Variants in GSX2 observed in about 807,000 individuals in gnomAD.
GSX2 encodes the protein GS homeobox 2.
Under a neutral mutation model 19.2 loss-of-function variants are expected in GSX2, and 16 were observed. The observed-to-expected ratio is 0.84, with a 90% confidence interval of 0.57 to 1.27. GSX2 has a LOEUF of 1.27. Ranked by LOEUF, GSX2 falls within the 50% of genes most tolerant of loss-of-function variation. The pLI, the probability that GSX2 is intolerant of heterozygous loss-of-function variation, is 0.00. For synonymous variants in GSX2, 217 were observed against 196.4 expected, an observed-to-expected ratio of 1.10 and a Z score of -0.88; for missense variants, 448 against 428.4, an observed-to-expected ratio of 1.05 and a Z score of -0.40.
At position 54,101,790 on chromosome 4, in the gene GSX2, G is replaced by C. The variant is rs749731942; in HGVS notation, c.783G>C (p.Gly261=). The change falls in exon 2 of 2, where the codon GGG becomes GGC. Residue 261 remains glycine, a synonymous_variant. Coordinates refer to ENST00000326902, the MANE Select transcript of GSX2 (RefSeq NM_133267.3). The surrounding 1 kb of genome is among the most constrained non-coding windows in gnomAD (Gnocchi z 5.0). ...GCCGAGTGAAGCACAAGAAGGAGGG[G>C]AAGGGCACGCAGAGGAACAGTCACG... ...QNRRVKHKKE[G]KGTQRNSHAG... is the part of the protein sequence containing the mutation. 1 of 1,614,254 alleles carries C rather than the reference G, an allele frequency of 6.2e-7. No homozygotes were observed. Among genetic ancestry groups the C allele is most frequent in the Non-Finnish European group, 8.5e-7 (1 of 1,180,060 alleles).
Position 54,101,009 on chromosome 4 carries a change from G to T in GSX2, c.574+91G>T. The T allele has an allele frequency of 8.8e-7, 1 of 1,138,774 alleles. No individual in the cohort carries two copies. Among genetic ancestry groups the T allele is most frequent in the Non-Finnish European group, 1.2e-6 (1 of 824,046 alleles). The allele number at this position is 1,138,774 out of a possible 1,614,324, so 70.5% of individuals were successfully genotyped here. ...TCCAGTGGAGGAAGTGGGAGCCCGG[G>T]GACAGGGTGAAGAGAGAGGACGGGC... On this transcript the variant is annotated intron_variant, in intron 1 of 1. Transcript: ENST00000326902. This position sits in a 1 kb window ranked among gnomAD's most constrained non-coding sequence, Gnocchi z 5.0.
In GSX2 at chr4:54,100,600, G is replaced by T. The variant is rs1338652699; in HGVS notation, c.256G>T (p.Gly86Trp). Residue 86 changes from glycine (G) to tryptophan (W), a missense_variant, in exon 1 of 2, where the codon GGG becomes TGG. Coordinates refer to ENST00000326902, the MANE Select transcript of GSX2 (RefSeq NM_133267.3). ...CGCCGGCAGCGGGGGCGCAGGGGCC[G>T]GGGTTACCGGGGCCGGAGGCAGTGG... ...VGAGSGGAGA[G>W]VTGAGGSGVA... 1 of 1,560,814 alleles carries T rather than the reference G, an allele frequency of 6.4e-7. No individual in the cohort carries two copies. Among genetic ancestry groups the T allele is most frequent in the Admixed American group, 1.9e-5 (1 of 51,700 alleles).
In GSX2 at chr4:54,101,899, G is replaced by A; in HGVS notation, c.892G>A (p.Asp298Asn). 4 of 1,609,116 alleles carry A rather than the reference G, an allele frequency of 2.5e-6. No homozygotes were observed. Among genetic ancestry groups the A allele is most frequent in the Non-Finnish European group, 3.4e-6 (4 of 1,176,874 alleles). ...DSLSPASAND[D>N]KEISPL ...CCTGTCGCCGGCCTCAGCCAACGAT[G>A]ACAAGGAGATTTCCCCCTTATGAGG... Residue 298 changes from aspartate (D) to asparagine (N), a missense_variant, in exon 2 of 2, where the codon GAC becomes AAC. Coordinates refer to ENST00000326902, the MANE Select transcript of GSX2 (RefSeq NM_133267.3). The surrounding 1 kb of genome is among the most constrained non-coding windows in gnomAD (Gnocchi z 5.0).
Position 54,100,930 on chromosome 4 carries a change from T to G in GSX2, c.574+12T>G, listed in dbSNP as rs894870312. 6.5e-7 allele frequency: 1 copy of G among 1,547,616 alleles called. No individual in the cohort carries two copies. Among genetic ancestry groups the G allele is most frequent in the African/African-American group, 1.4e-5 (1 of 72,462 alleles). On this transcript the variant is annotated intron_variant, in intron 1 of 1. Coordinates refer to ENST00000326902, the MANE Select transcript of GSX2 (RefSeq NM_133267.3). Reference sequence around the variant, plus strand: ...CTGCCTCACCATGGGTAGGGCGGGGTCTTGGGGCACCTGCGCTCCGCGCCT... The same window carrying G: ...CTGCCTCACCATGGGTAGGGCGGGGGCTTGGGGCACCTGCGCTCCGCGCCT...
rs1387095638 is a variant in GSX2, at chr4:54,100,577, C to T, written c.233C>T (p.Ala78Val). 2 of 1,582,502 alleles carry T rather than the reference C, an allele frequency of 1.3e-6. No individual in the cohort carries two copies. The highest frequency in any genetic ancestry group is 2.3e-5 in the South Asian group (2 of 87,114). Residue 78 changes from alanine to valine, a missense_variant, in exon 1 of 2, where the codon GCC becomes GTC. Ala to Val is a moderately conservative substitution (Grantham distance 64, BLOSUM62 0). Coordinates refer to ENST00000326902, the MANE Select transcript of GSX2 (RefSeq NM_133267.3). ...CACTCCTCTCGGGGGTCTGTGGGCG[C>T]CGGCAGCGGGGGCGCAGGGGCCGGG... ...HLHSSRGSVG[A>V]GSGGAGAGVT... is the part of the protein sequence containing the mutation.
In GSX2 at chr4:54,101,405, C is replaced by T. The variant is rs2110111966; in HGVS notation, c.575-177C>T. On this transcript the variant is annotated intron_variant, in intron 1 of 1. Coordinates refer to ENST00000326902, the MANE Select transcript of GSX2 (RefSeq NM_133267.3). The surrounding 1 kb of genome is among the most constrained non-coding windows in gnomAD (Gnocchi z 5.0). ...CCTGCGCATCGAAGACCTTTATTTG[C>T]TTTGCACGTCTCTTTTCTTCCCCGC... is the stretch of plus-strand genomic sequence containing the variant. Among the ~76,000 whole-genome samples the T allele has an allele frequency of 6.6e-6, 1 of 152,330 alleles. No homozygotes were observed. Among genetic ancestry groups the T allele is most frequent in the South Asian group, 2.1e-4 (1 of 4,828 alleles).
Position 54,102,350 on chromosome 4 carries a change from T to C in GSX2, c.*428T>C, listed in dbSNP as rs1718190733. On this transcript the variant is annotated 3_prime_UTR_variant, in exon 2 of 2. Coordinates refer to ENST00000326902, the MANE Select transcript of GSX2 (RefSeq NM_133267.3). The stretch of plus-strand genomic sequence containing the variant: ...AAAAACACCCAAGTTGAAAATAATT[T>C]AGAAAATTAGACCTTGTAGGTCTTG... 3.2e-5 allele frequency: 5 copies of C among 154,516 alleles called. No individual in the cohort carries two copies. The highest frequency in any genetic ancestry group is 1.2e-4 in the African/African-American group (5 of 41,514). 9.6% of individuals were successfully genotyped at this position (154,516 alleles called of 1,614,324 possible).
chr4:54,101,493 G>T lies in GSX2; in HGVS notation c.575-89G>T. On this transcript the variant is annotated intron_variant, in intron 1 of 1. Coordinates refer to ENST00000326902, the MANE Select transcript of GSX2 (RefSeq NM_133267.3). This position sits in a 1 kb window ranked among gnomAD's most constrained non-coding sequence, Gnocchi z 5.0. ...GATGTTCGGCTGGGCTTCCCCGGGTGGGTCCCTGAAATGCGTCCTGGTTAG... is the reference window on the plus strand; with the variant it reads ...GATGTTCGGCTGGGCTTCCCCGGGTTGGTCCCTGAAATGCGTCCTGGTTAG... 1 of 786,872 alleles carries T rather than the reference G, an allele frequency of 1.3e-6. No homozygotes were observed. The highest frequency in any genetic ancestry group is 2.1e-6 in the Non-Finnish European group (1 of 478,298). The allele number at this position is 786,872 out of a possible 1,614,324, so 48.7% of individuals were successfully genotyped here.
Position 54,100,495 on chromosome 4 carries a change from C to T in GSX2, c.151C>T (p.Pro51Ser), listed in dbSNP as rs1027452125. The T allele has an allele frequency of 1.4e-5, 22 of 1,613,624 alleles. No homozygotes were observed. The highest frequency in any genetic ancestry group is 1.9e-5 in the Non-Finnish European group (22 of 1,179,924). The change falls in exon 1 of 2, where the codon CCG becomes TCG. Residue 51 changes from proline to serine, a missense_variant. Pro to Ser is a moderately conservative substitution (Grantham distance 74). Coordinates refer to ENST00000326902, the MANE Select transcript of GSX2 (RefSeq NM_133267.3). ...LVMSVSGPGC[P>S]SRKSGAFCVC... Reference sequence around the variant, plus strand: ...GATGTCCGTGTCCGGCCCCGGCTGCCCGTCCCGCAAGAGCGGCGCGTTCTG... The same window carrying T: ...GATGTCCGTGTCCGGCCCCGGCTGCTCGTCCCGCAAGAGCGGCGCGTTCTG...
rs1718177517 is a variant in GSX2 at position 54,101,641 on chromosome 4, A to C, written c.634A>C (p.Thr212Pro). 1 of 1,614,100 alleles carries C rather than the reference A, an allele frequency of 6.2e-7. No homozygotes were observed. The highest frequency in any genetic ancestry group is 2.2e-5 in the East Asian group (1 of 44,866). ...GAGGATGAGGACGGCGTTCACTAGC[A>C]CGCAACTCCTGGAGCTGGAGAGAGA... ...GKRMRTAFTS[T>P]QLLELEREFS... The change falls in exon 2 of 2, where the codon ACG becomes CCG. Residue 212 changes from threonine (T) to proline (P), a missense_variant. Thr to Pro is a conservative substitution (Grantham distance 38, BLOSUM62 -1). Coordinates refer to ENST00000326902, the MANE Select transcript of GSX2 (RefSeq NM_133267.3). This position sits in a 1 kb window ranked among gnomAD's most constrained non-coding sequence, Gnocchi z 5.0.
At position 54,100,549 on chromosome 4, in the gene GSX2, C is replaced by G. The variant is rs762336257; in HGVS notation, c.205C>G (p.Leu69Val). Residue 69 changes from leucine to valine, a missense_variant, in exon 1 of 2, where the codon CTG (leucine) becomes GTG (valine). Physicochemically the swap from Leu to Val is conservative, Grantham distance 32 (BLOSUM62 1). Coordinates refer to ENST00000326902, the MANE Select transcript of GSX2 (RefSeq NM_133267.3). ...GTGCCCTCTCTGCGTCACTTCGCAC[C>G]TGCACTCCTCTCGGGGGTCTGTGGG... ...CVCPLCVTSH[L>V]HSSRGSVGAG... The G allele has an allele frequency of 1.2e-6, 2 of 1,607,314 alleles. No individual in the cohort carries two copies. The highest frequency in any genetic ancestry group is 3.4e-5 in the Admixed American group (2 of 59,494).
rs1718180017 is a variant in GSX2, at chr4:54,101,791, A to G, written c.784A>G (p.Lys262Glu). Residue 262 changes from lysine to glutamate, a missense_variant, in exon 2 of 2, where the codon AAG (lysine) becomes GAG (glutamate). Transcript: ENST00000326902. This position sits in a 1 kb window ranked among gnomAD's most constrained non-coding sequence, Gnocchi z 5.0. ...CCGAGTGAAGCACAAGAAGGAGGGG[A>G]AGGGCACGCAGAGGAACAGTCACGC... is the stretch of plus-strand genomic sequence containing the variant. The part of the protein sequence containing the change: ...NRRVKHKKEG[K>E]GTQRNSHAGC... 6.2e-7 allele frequency: 1 copy of G among 1,614,054 alleles called. No individual in the cohort carries two copies. The highest frequency in any genetic ancestry group is 1.7e-5 in the Admixed American group (1 of 60,000).
rs1578005521 is a variant in GSX2, at chr4:54,101,971, G to A, written c.*49G>A. 6.9e-7 allele frequency: 1 copy of A among 1,450,130 alleles called. No homozygotes were observed. The highest frequency in any genetic ancestry group is 9.3e-7 in the Non-Finnish European group (1 of 1,078,770). The allele number at this position is 1,450,130 out of a possible 1,614,324, so 89.8% of individuals were successfully genotyped here. ...CCCCGCTCCTGGCAGACCAGGCAAC[G>A]CCAAGGCGTGGGGCACCCAGGGGCC... is the stretch of plus-strand genomic sequence containing the variant. On this transcript the variant is annotated 3_prime_UTR_variant, in exon 2 of 2. Coordinates refer to ENST00000326902, the MANE Select transcript of GSX2 (RefSeq NM_133267.3). This position sits in a 1 kb window ranked among gnomAD's most constrained non-coding sequence, Gnocchi z 5.0.
In GSX2 at chr4:54,100,394, G is replaced by T. The variant is rs1405969923; in HGVS notation, c.50G>T (p.Arg17Leu). ...TCGCTCATCATCAAGGACACCTCAC[G>T]GCCTGCGCCCTCGCTGCCTGAACCG... ...VDSLIIKDTS[R>L]PAPSLPEPHP... Residue 17 changes from arginine (R) to leucine (L), a missense_variant, in exon 1 of 2, where the codon CGG becomes CTG. Coordinates refer to ENST00000326902, the MANE Select transcript of GSX2 (RefSeq NM_133267.3). 4 of 1,613,970 alleles carry T rather than the reference G, an allele frequency of 2.5e-6. No individual in the cohort carries two copies. Among genetic ancestry groups the T allele is most frequent in the Admixed American group, 3.3e-5 (2 of 60,014 alleles).
In GSX2 at chr4:54,100,662, G is replaced by C. The variant is rs1324886598; in HGVS notation, c.318G>C (p.Lys106Asn). Residue 106 changes from lysine to asparagine, a missense_variant, in exon 1 of 2, where the codon AAG becomes AAC. Transcript: ENST00000326902. ...AGAAGALPLL[K>N]GQFSSAPGDA... ...CCGCAGGGGCACTGCCTCTGCTTAA[G>C]GGCCAGTTCTCTTCGGCTCCTGGGG... The C allele has an allele frequency of 2.6e-6, 4 of 1,549,000 alleles. No homozygotes were observed. The highest frequency in any genetic ancestry group is 2.0e-5 in the Admixed American group (1 of 50,374).
chr4:54,100,717 G>A lies in GSX2; in HGVS notation c.373G>A (p.Ala125Thr), dbSNP rs1254785036. The A allele has an allele frequency of 2.6e-6, 4 of 1,548,542 alleles. No homozygotes were observed. Among genetic ancestry groups the A allele is most frequent in the Non-Finnish European group, 3.5e-6 (4 of 1,146,076 alleles). The change falls in exon 1 of 2, where the codon GCG becomes ACG. Residue 125 changes from alanine (A) to threonine (T), a missense_variant. Coordinates refer to ENST00000326902, the MANE Select transcript of GSX2 (RefSeq NM_133267.3). ...DAQFCPRVNH[A>T]HHHHHPPQHH... ...GCAGTTTTGCCCGCGGGTGAACCAT[G>A]CGCATCATCACCACCACCCGCCGCA...
Position 54,100,262 on chromosome 4 carries a change from G to T in GSX2, c.-83G>T. On this transcript the variant is annotated 5_prime_UTR_variant, in exon 1 of 2. Transcript: ENST00000326902. ...AGGGCTTGACTGCCCGTGTCTGCGC[G>T]GCTCCCAGGGCAGAGCTTAGAACAC... 4 of 1,561,906 alleles carry T rather than the reference G, an allele frequency of 2.6e-6. No individual in the cohort carries two copies. Among genetic ancestry groups the T allele is most frequent in the Non-Finnish European group, 3.4e-6 (4 of 1,159,774 alleles).
chr4:54,100,919 G>A lies in GSX2; in HGVS notation c.574+1G>A. 1 of 1,557,642 alleles carries A rather than the reference G, an allele frequency of 6.4e-7. No individual in the cohort carries two copies. On this transcript the variant is annotated splice_donor_variant, in intron 1 of 1. Coordinates refer to ENST00000326902, the MANE Select transcript of GSX2 (RefSeq NM_133267.3). LOFTEE classifies it high-confidence loss of function. ...CGGAGATTCCACTGCCTCACCATGG[G>A]TAGGGCGGGGTCTTGGGGCACCTGC...
In GSX2 at chr4:54,101,583, A is replaced by G. The variant is rs1452253347; in HGVS notation, c.576A>G (p.Gly192=). 6.2e-7 allele frequency: 1 copy of G among 1,608,852 alleles called. No homozygotes were observed. The highest frequency in any genetic ancestry group is 1.3e-5 in the African/African-American group (1 of 74,794). Residue 192 remains glycine (G), a splice_region_variant and synonymous_variant, in exon 2 of 2, where the codon GGA becomes GGG. Transcript: ENST00000326902. The surrounding 1 kb of genome is among the most constrained non-coding windows in gnomAD (Gnocchi z 5.0). ...DPRRFHCLTM[G]GSDASQVPNG... Reference sequence around the variant, plus strand: ...TACCCTCTCTTCGCCGGTCCGCAGGAGGCTCTGACGCCAGCCAGGTACCCA... The same window carrying G: ...TACCCTCTCTTCGCCGGTCCGCAGGGGGCTCTGACGCCAGCCAGGTACCCA...
Sources: allele counts gnomAD v4.1 joint callset (sites outside exome capture counted in the v4.1 genomes callset), GRCh38; gene constraint gnomAD v4.1.1; non-coding constraint Gnocchi (gnomAD v3.1); transcripts MANE v1.5; gene names NCBI Gene and HGNC (gene_info 2026-07-23, HGNC 2026-07-21).